The following ZNF385D variants were observed in gnomAD, a reference collection of about 807,000 sequenced individuals.
The protein encoded by ZNF385D is zinc finger protein 659.
In ZNF385D, 15 loss-of-function variants were observed where a neutral mutation model predicts 35.8. That is an observed-to-expected ratio of 0.42 (90% confidence interval 0.28 to 0.64). ZNF385D has a LOEUF of 0.64. Among genes scored for constraint, ZNF385D ranks in the 30% least tolerant of loss-of-function variants. ZNF385D has a pLI of 0.23. For missense variants in ZNF385D, 474 were observed against 494.6 expected (o/e 0.96, Z 0.39); for synonymous variants, 212 against 186.8 (o/e 1.13, Z -1.10).
chr3:21,984,423 A>T (rs1694688316), intron 3 of ZNF385D, among the ~76,000 whole-genome samples: 1 of 128,180 alleles, frequency 7.8e-6, no homozygotes, highest in African/African-American at 3.3e-5. Flanking sequence ...TAAATAGGGA[A>T]TCCTTTCCCC....
chr3:22,111,409 G>A (rs1702530239), intron 3 of ZNF385D, among the ~76,000 whole-genome samples: 1 of 151,866 alleles, frequency 6.6e-6, no homozygotes, highest in Non-Finnish European at 1.5e-5. Flanking sequence ...CACATGGATT[G>A]GACAAAGCAG....
chr3:21,608,678 C>T (rs968901777), intron 2 of ZNF385D, among the ~76,000 whole-genome samples: 4 of 152,160 alleles, frequency 2.6e-5, no homozygotes, highest in Admixed American at 6.5e-5. Flanking sequence ...TATTTTAACT[C>T]TGATCATCTG....
chr3:21,527,773 A>G, intron 3 of ZNF385D, among the ~76,000 whole-genome samples: 1 of 149,688 alleles, frequency 6.7e-6, no homozygotes, highest in East Asian at 2.0e-4. Flanking sequence ...AAAAAAAACT[A>G]TTTCTTCTAA....
chr3:22,033,387 G>A (rs1434202618), intron 3 of ZNF385D, among the ~76,000 whole-genome samples: 3 of 142,764 alleles, frequency 2.1e-5, no homozygotes, highest in Middle Eastern at 3.6e-3. Context: ...GGGTGACAGA[G>A]CAAGGCTGGC....
intron 2 of ZNF385D, among the ~76,000 whole-genome samples, chr3:21,565,805 C>T (rs2063124294): frequency 6.6e-6 from 1 of 152,120 alleles, no homozygotes. Flanking sequence ...ATAAGTAAGT[C>T]TTCATAATAG....
chr3:21,971,960 C>T lies in ZNF385D; in HGVS notation c.325+196857G>A, dbSNP rs191739641. The stretch of plus-strand genomic sequence containing the variant: ...CACTGGGACACCCAGATATATAAAG[C>T]ACATATTATCAGAGTTATCAAGAGA... On this transcript the variant is annotated intron_variant, in intron 3 of 5. Coordinates refer to the ZNF385D transcript ENST00000494108. Among the ~76,000 whole-genome samples the T allele has an allele frequency of 6.7e-3, 1,020 of 151,958 alleles. 21 individuals carry two copies. Among genetic ancestry groups the T allele is most frequent in the Middle Eastern group, 0.02 (6 of 294 alleles).
At chr3:22,335,678 C>T (rs754675392) in intron 2 of ZNF385D, among the ~76,000 whole-genome samples, 9 of 152,092 alleles carry the variant, frequency 5.9e-5, no homozygotes, top group Non-Finnish European at 1.0e-4. Flanking sequence ...AGAGCATTGA[C>T]ATATATGTTT....
chr3:21,757,142 T>A (rs867215708), intron 3 of ZNF385D, among the ~76,000 whole-genome samples: 82 of 146,336 alleles, frequency 5.6e-4, no homozygotes, highest in African/African-American at 2.0e-3. Context: ...TTTTTTTTGT[T>A]TTCTTGAGAT....
At chr3:21,608,786 T>C (rs2064575187) in intron 2 of ZNF385D, among the ~76,000 whole-genome samples, 1 of 152,176 alleles carries the variant, frequency 6.6e-6, no homozygotes. Context: ...TAGTTCCCAA[T>C]CCAGTTGTGA....
In ZNF385D at chr3:22,298,523, A is replaced by AAT. The variant is rs897819987; in HGVS notation, c.106+73925_106+73926dup. ...AAATATACATAAAACATTTATATAT[A>AAT]ATATATATACATAAAACATTTATGT... On this transcript the variant is annotated intron_variant, in intron 2 of 5. Coordinates refer to the ZNF385D transcript ENST00000494108. Among the ~76,000 whole-genome samples the AAT allele has an allele frequency of 2.1e-5, 3 of 145,094 alleles. No homozygotes were observed. In the East Asian group the frequency reaches 5.9e-4, roughly 29 times the overall value.
At chr3:21,988,747 G>T (rs1319136539) in intron 3 of ZNF385D, among the ~76,000 whole-genome samples, 1 of 151,842 alleles carries the variant, frequency 6.6e-6, no homozygotes, top group East Asian at 1.9e-4. Flanking sequence ...CCTGGGCAAT[G>T]GCGGGCGCCC....
intron 2 of ZNF385D, among the ~76,000 whole-genome samples, chr3:22,287,828 T>G (rs192010459): frequency 1.7e-4 from 26 of 149,964 alleles, no homozygotes; most frequent in Non-Finnish European, 3.7e-4. Context: ...ATCTAAAAAT[T>G]TATTTACTTT....
chr3:22,300,327 T>C (rs1270435572), intron 2 of ZNF385D, among the ~76,000 whole-genome samples: 1 of 151,368 alleles, frequency 6.6e-6, no homozygotes, highest in East Asian at 1.9e-4. Flanking sequence ...AGCCAGAGAC[T>C]ATAAAACTGC....
intron 3 of ZNF385D, among the ~76,000 whole-genome samples, chr3:21,887,503 T>C (rs970434652): frequency 3.9e-5 from 6 of 152,172 alleles, no homozygotes; most frequent in African/African-American, 1.2e-4. Flanking sequence ...CACTTTGTTT[T>C]AGTTTTTAAA....
intron 3 of ZNF385D, among the ~76,000 whole-genome samples, chr3:21,515,771 CACCTTTGTAAG>C (rs1462364016): frequency 6.6e-6 from 1 of 152,148 alleles, no homozygotes; most frequent in Non-Finnish European, 1.5e-5. Flanking sequence ...GGGCTGAAAC[CACCTTTGTAAG>C]ACCTATAAAA....
intron 3 of ZNF385D, among the ~76,000 whole-genome samples, chr3:21,854,255 A>G (rs1446526659): frequency 1.3e-5 from 2 of 151,852 alleles, no homozygotes; most frequent in African/African-American, 4.8e-5. Context: ...CCTGGCTACA[A>G]TATTTGCTTT....
intron 3 of ZNF385D, among the ~76,000 whole-genome samples, chr3:21,949,610 G>A (rs895293897): frequency 2.0e-5 from 3 of 146,510 alleles, no homozygotes; most frequent in Non-Finnish European, 4.5e-5. Flanking sequence ...AGAACGTGCA[G>A]GTTTGTTACA....
At chr3:21,545,176 TCA>T (rs2062328673) in intron 3 of ZNF385D, among the ~76,000 whole-genome samples, 1 of 152,242 alleles carries the variant, frequency 6.6e-6, no homozygotes, top group African/African-American at 2.4e-5. Context: ...ATTTTGCTAT[TCA>T]CAGACAATTT....
chr3:21,909,087 ATT>A, intron 3 of ZNF385D, among the ~76,000 whole-genome samples: 1 of 152,188 alleles, frequency 6.6e-6, no homozygotes, highest in Non-Finnish European at 1.5e-5. Flanking sequence ...TTAAACGTTC[ATT>A]GATAGCACTA....
Sources: allele counts gnomAD v4.1 joint callset (sites outside exome capture counted in the v4.1 genomes callset), GRCh38; gene constraint gnomAD v4.1.1; transcripts MANE v1.5; gene names NCBI Gene and HGNC (gene_info 2026-07-23, HGNC 2026-07-21).